EPB41: variants seen among roughly 807,000 people sequenced by gnomAD.
The protein encoded by EPB41 is erythrocyte membrane protein band 4.1.
EPB41 carries 65 observed loss-of-function variants against 108.0 expected under a neutral mutation model. The ratio of observed to expected loss-of-function variants is 0.60; its 90% confidence interval spans 0.49 to 0.74. The LOEUF is 0.74. Among genes scored for constraint, EPB41 ranks in the 30% least tolerant of loss-of-function variants. The pLI is 0.00. For missense variants in EPB41, 875 were observed against 1,037.0 expected (o/e 0.84, Z 2.15); for synonymous variants, 336 against 358.9 (o/e 0.94, Z 0.72).
chr1:28,985,750 A>G (rs2095857041), intron 1 of EPB41: 1 of 152,140 alleles, frequency 6.6e-6, no homozygotes, highest in African/African-American at 2.4e-5. Flanking sequence ...AATTGATCAC[A>G]ACCAGTTATA....
At chr1:28,995,498 G>A (rs545242770) in intron 3 of EPB41, among the ~76,000 whole-genome samples, 36 of 152,272 alleles carry the variant, frequency 2.4e-4, no homozygotes, top group Non-Finnish European at 4.7e-4. Flanking sequence ...GGAGGTAGAG[G>A]TTGCAGTGAG....
chr1:28,887,285 C>G lies in EPB41; in HGVS notation c.-8+75C>G. On this transcript the variant is annotated intron_variant, in intron 1 of 16. Coordinates refer to the EPB41 transcript ENST00000347529. This position sits in a 1 kb window ranked among gnomAD's most constrained non-coding sequence, Gnocchi z 4.9. Reference sequence around the variant, plus strand: ...GGTTAGGGACAGAAGAACCTACCCCCAAGGGCTCGGACCGTCCCGGGAGAG... The same window carrying G: ...GGTTAGGGACAGAAGAACCTACCCCGAAGGGCTCGGACCGTCCCGGGAGAG... The G allele has an allele frequency of 8.0e-7, 1 of 1,249,018 alleles. No individual in the cohort carries two copies. The highest frequency in any genetic ancestry group is 1.0e-6 in the Non-Finnish European group (1 of 968,362). The allele number at this position is 1,249,018 out of a possible 1,614,324, so 77.4% of individuals were successfully genotyped here. A position where few individuals can be genotyped will look rare whatever the true frequency, so the allele number is the denominator to read the frequency against.
intron 1 of EPB41, among the ~76,000 whole-genome samples, chr1:28,919,428 C>G (rs576081276): frequency 6.6e-6 from 1 of 152,160 alleles, no homozygotes; most frequent in East Asian, 1.9e-4. Context: ...TATTCTGTCT[C>G]TCCTTCCAGT....
intron 1 of EPB41, among the ~76,000 whole-genome samples, chr1:28,906,915 G>T (rs2147965283): frequency 6.6e-6 from 1 of 151,780 alleles, no homozygotes. Flanking sequence ...AGGTAGCTGG[G>T]ACTACAGGCA....
At chr1:29,037,284 G>A (rs1032143967) in intron 10 of EPB41, among the ~76,000 whole-genome samples, 12 of 151,624 alleles carry the variant, frequency 7.9e-5, no homozygotes, top group Admixed American at 2.0e-4. Context: ...GTTTCACTAC[G>A]TTGACCAGGC....
At position 28,993,556 on chromosome 1, in the gene EPB41, C is replaced by T. The variant is rs752498663; in HGVS notation, c.681+14C>T. 2.5e-6 allele frequency: 4 copies of T among 1,611,952 alleles called. No homozygotes were observed. The South Asian group carries it at 4.4e-5, about 18-fold the overall frequency. ...TGTGTTGTGGAGGTGAGTATGTTTT[C>T]ATTTCCAACAATCAGAACTCTTACA... is the stretch of plus-strand genomic sequence containing the variant. On this transcript the variant is annotated intron_variant, in intron 3 of 20. Coordinates refer to ENST00000343067, the MANE Select transcript of EPB41 (RefSeq NM_001376013.1).
chr1:29,006,234 ATTTT>A (rs34223507), intron 4 of EPB41, among the ~76,000 whole-genome samples: 2 of 130,654 alleles, frequency 1.5e-5, no homozygotes, highest in Admixed American at 8.1e-5. Flanking sequence ...ATCCCAAAGA[ATTTT>A]TTTTTTTTTT....
intron 1 of EPB41, among the ~76,000 whole-genome samples, chr1:28,943,835 A>C (rs1257004041): frequency 6.6e-6 from 1 of 152,200 alleles, no homozygotes; most frequent in Non-Finnish European, 1.5e-5. Flanking sequence ...TTGAGCTGCC[A>C]TATGATCTAG....
At chr1:28,959,803 C>A (rs147576895) in intron 1 of EPB41, among the ~76,000 whole-genome samples, 94 of 151,700 alleles carry the variant, frequency 6.2e-4, no homozygotes, top group African/African-American at 2.2e-3. Context: ...GAGCTATGTT[C>A]TTCCTTGCTC....
intron 1 of EPB41, among the ~76,000 whole-genome samples, chr1:28,916,436 G>C (rs1390834051): frequency 6.6e-6 from 1 of 152,222 alleles, no homozygotes; most frequent in Admixed American, 6.5e-5. Context: ...AGGAGTTCGA[G>C]ACTAGCCTGG....
rs1384012721 is a variant in EPB41, at chr1:29,056,558, C to T, written c.1846-2031C>T. On this transcript the variant is annotated intron_variant, in intron 12 of 20. Transcript: ENST00000343067. ...TTCTTTTTTTTGAGACGGAGTCTTG[C>T]TCTGTCACCCAGGCTGGAGTGCAAT... 2.0e-5 allele frequency among the ~76,000 whole-genome samples: 3 copies of T among 151,934 alleles called. No individual in the cohort carries two copies. In the East Asian group the frequency reaches 5.8e-4, roughly 29 times the overall value.
intron 1 of EPB41, among the ~76,000 whole-genome samples, chr1:28,898,554 T>A (rs957962761): frequency 1.8e-4 from 28 of 152,210 alleles, no homozygotes; most frequent in Non-Finnish European, 3.4e-4. Flanking sequence ...TGGGCACCCA[T>A]AAACAGGAGC....
chr1:29,047,601 A>G (rs560136449), intron 11 of EPB41, among the ~76,000 whole-genome samples: 2 of 152,070 alleles, frequency 1.3e-5, no homozygotes, highest in Non-Finnish European at 2.9e-5. Context: ...ATTTCCAAAT[A>G]TATTTACATA....
At chr1:29,013,377 A>G (rs2096533659) in intron 5 of EPB41, among the ~76,000 whole-genome samples, 1 of 152,168 alleles carries the variant, frequency 6.6e-6, no homozygotes, top group African/African-American at 2.4e-5. Flanking sequence ...CATGGGGGAA[A>G]AAAACAAAAC....
chr1:29,090,410 T>C (rs1011100979), intron 16 of EPB41, among the ~76,000 whole-genome samples: 1 of 152,146 alleles, frequency 6.6e-6, no homozygotes, highest in African/African-American at 2.4e-5. Context: ...AATTCTGGCA[T>C]GGATGATTGG....
intron 18 of EPB41, 166 bp downstream of exon 18, chr1:29,109,603 C>G (rs1320550269): frequency 1.5e-6 from 1 of 682,506 alleles, no homozygotes; most frequent in Non-Finnish European, 2.7e-6. Context: ...CTGCCTTCCC[C>G]AGCAATAAAT....
chr1:28,892,337 A>G (rs919562931), intron 1 of EPB41, among the ~76,000 whole-genome samples: 1 of 152,128 alleles, frequency 6.6e-6, no homozygotes, highest in African/African-American at 2.4e-5. Flanking sequence ...GACGTGTTAC[A>G]TGTATTGACC....
chr1:29,023,986 A>G (rs2096680896), intron 7 of EPB41, among the ~76,000 whole-genome samples: 2 of 152,076 alleles, frequency 1.3e-5, no homozygotes, highest in South Asian at 4.1e-4. Context: ...GAAAATTTAT[A>G]TAAAGTGATT....
intron 1 of EPB41, among the ~76,000 whole-genome samples, chr1:28,953,073 A>AT (rs5773226): frequency 0.43 from 64,781 of 149,074 alleles, 16,162 homozygotes; most frequent in East Asian, 0.8. Context: ...CTCAAATGGA[A>AT]TTTTTTTTTT....
Sources: gnomAD v4.1 joint callset for allele counts (sites outside exome capture counted in the v4.1 genomes callset) on GRCh38, gnomAD v4.1.1 for gene constraint, Gnocchi (gnomAD v3.1) non-coding constraint, MANE v1.5 for transcripts, NCBI Gene and HGNC (gene_info 2026-07-23, HGNC 2026-07-21) for gene names.